REEP1: variants seen among roughly 807,000 people sequenced by gnomAD.
REEP1 encodes receptor expression-enhancing protein 1.
Under a neutral mutation model 40.3 loss-of-function variants are expected in REEP1, and 22 were observed. That is an observed-to-expected ratio of 0.55 (90% CI 0.39 to 0.78). The LOEUF (loss-of-function observed/expected upper bound fraction) is 0.78. REEP1 is among the 30% of genes least tolerant of loss of function. The probability of loss-of-function intolerance (pLI) is 0.00; values close to 1 mark genes in which losing one functional copy is unlikely to be tolerated. For synonymous variants in REEP1, 116 were observed against 139.2 expected, an observed-to-expected ratio of 0.83 and a Z score of 1.17; for missense variants, 280 against 361.1, an observed-to-expected ratio of 0.78 and a Z score of 1.82.
intron 1 of REEP1, among the ~76,000 whole-genome samples, chr2:86,301,960 C>A (rs563648134): frequency 6.6e-6 from 1 of 152,232 alleles, no homozygotes; most frequent in Non-Finnish European, 1.5e-5. Context: ...TGACCTCCCC[C>A]CACCATGACA....
chr2:86,263,266 G>A (rs955859638), intron 3 of REEP1, among the ~76,000 whole-genome samples: 1 of 152,152 alleles, frequency 6.6e-6, no homozygotes, highest in African/African-American at 2.4e-5. Flanking sequence ...GTCTTGCTCT[G>A]TCACCCAGGC....
chr2:86,219,866 G>A, intron 8 of REEP1, 104 bp downstream of exon 8: 1 of 846,932 alleles, frequency 1.2e-6, no homozygotes, highest in Non-Finnish European at 1.6e-6. Flanking sequence ...CAGGTATTGA[G>A]GAGATGTTGG....
chr2:86,284,249 T>C (rs989406969), intron 1 of REEP1, among the ~76,000 whole-genome samples: 2 of 152,160 alleles, frequency 1.3e-5, no homozygotes, highest in African/African-American at 4.8e-5. Flanking sequence ...CCCCTGACGA[T>C]TGGGCTCCTC....
chr2:86,311,382 A>C (rs571486729), intron 1 of REEP1, among the ~76,000 whole-genome samples: 1 of 152,298 alleles, frequency 6.6e-6, no homozygotes, highest in East Asian at 1.9e-4. Context: ...AAAGTACCAT[A>C]AATTTCCTAG....
At position 86,217,050 on chromosome 2, in the gene REEP1, CG is replaced by C. The variant is rs1674149303; in HGVS notation, c.843del (p.Glu282LysfsTer5). The C allele has an allele frequency of 6.2e-7, 1 of 1,613,772 alleles. No homozygotes were observed. The highest frequency in any genetic ancestry group is 1.3e-5 in the African/African-American group (1 of 74,884). The part of the protein sequence containing the change: ...FRKKSTSSSA[T>X]ETT ...TTGGCTCATCTCACTCACGTGGTTT[CG>C]GTGGCCGAGGATGAGGTACTTTTCT... is the stretch of plus-strand genomic sequence containing the variant. On this transcript the variant is annotated frameshift_variant, in exon 9 of 9. Transcript: ENST00000538924. LOFTEE classifies it high-confidence loss of function.
At chr2:86,249,619 A>G (rs183793815) in intron 5 of REEP1, among the ~76,000 whole-genome samples, 1 of 143,234 alleles carries the variant, frequency 7.0e-6, no homozygotes, top group South Asian at 2.1e-4. Flanking sequence ...AGAATCTATT[A>G]AAAAAAAAAT....
At chr2:86,271,211 TAAAC>T (rs1430452122) in intron 2 of REEP1, among the ~76,000 whole-genome samples, 1 of 142,264 alleles carries the variant, frequency 7.0e-6, no homozygotes, top group Non-Finnish European at 1.5e-5. Flanking sequence ...AATAAACAAA[TAAAC>T]AAACCAACAA....
intron 3 of REEP1, among the ~76,000 whole-genome samples, chr2:86,255,593 C>T (rs1303159835): frequency 6.6e-6 from 1 of 152,156 alleles, no homozygotes; most frequent in Non-Finnish European, 1.5e-5. Context: ...TACAGGGAGG[C>T]AACGGTGAGC....
intron 1 of REEP1, among the ~76,000 whole-genome samples, chr2:86,304,681 A>G (rs1413412703): frequency 6.6e-6 from 1 of 152,202 alleles, no homozygotes; most frequent in Non-Finnish European, 1.5e-5. Flanking sequence ...TGTTTGGCAT[A>G]GCTATGCTGC....
Position 86,269,598 on chromosome 2 carries a change from G to C in REEP1, c.106-5557C>G, listed in dbSNP as rs1677327461. ...CTACCAGCAAACCATCTACATACTG[G>C]ATTATAAGCCAAAAATAAAATTCTA... On this transcript the variant is annotated intron_variant, in intron 2 of 8. Transcript: ENST00000538924. 4.6e-5 allele frequency among the ~76,000 whole-genome samples: 7 copies of C among 152,198 alleles called. No individual in the cohort carries two copies. In the South Asian group the frequency reaches 1.5e-3, roughly 32 times the overall value.
intron 1 of REEP1, among the ~76,000 whole-genome samples, chr2:86,290,054 C>T (rs773961684): frequency 2.0e-5 from 3 of 151,996 alleles, no homozygotes; most frequent in Admixed American, 1.3e-4. Flanking sequence ...TGGAGTGCAG[C>T]GGCACAATCT....
At chr2:86,310,125 G>A (rs1271650951) in intron 1 of REEP1, among the ~76,000 whole-genome samples, 1 of 152,200 alleles carries the variant, frequency 6.6e-6, no homozygotes, top group African/African-American at 2.4e-5. Flanking sequence ...CACTGGATAA[G>A]GGTCATGTCT....
intron 5 of REEP1, among the ~76,000 whole-genome samples, chr2:86,245,485 G>T (rs1031979314): frequency 6.6e-6 from 1 of 152,186 alleles, no homozygotes; most frequent in Admixed American, 6.5e-5. Flanking sequence ...GAGCACAAAG[G>T]AGATTCATTT....
Position 86,337,512 on chromosome 2 carries a change from G to A in REEP1, c.-2C>T, listed in dbSNP as rs930203486. On this transcript the variant is annotated 5_prime_UTR_variant, in exon 1 of 9. Transcript: ENST00000538924. This position sits in a 1 kb window ranked among gnomAD's most constrained non-coding sequence, Gnocchi z 5.8. ...CCTGGAGATGATCCATGACACCATG[G>A]CGGGCAGGCGGGCGGGCGAGGCCCG... 2.4e-5 allele frequency: 31 copies of A among 1,283,546 alleles called. No homozygotes were observed. The African/African-American group carries it at 4.7e-4, about 19-fold the overall frequency. The allele number at this position is 1,283,546 out of a possible 1,614,324, so 79.5% of individuals were successfully genotyped here.
chr2:86,319,358 A>C (rs1414065607), intron 1 of REEP1, among the ~76,000 whole-genome samples: 1 of 152,208 alleles, frequency 6.6e-6, no homozygotes, highest in African/African-American at 2.4e-5. Context: ...GTATGCATTA[A>C]ATTGTTGCTC....
At chr2:86,291,058 T>C (rs1678667967) in intron 1 of REEP1, among the ~76,000 whole-genome samples, 1 of 152,180 alleles carries the variant, frequency 6.6e-6, no homozygotes, top group African/African-American at 2.4e-5. Flanking sequence ...CTCATAATAA[T>C]GAGAAAACAG....
upstream of REEP1, chr2:86,337,954 T>C: frequency 1.4e-5 from 20 of 1,401,450 alleles, no homozygotes; most frequent in Non-Finnish European, 1.9e-5. The surrounding 1 kb of genome is among the most constrained non-coding windows in gnomAD (Gnocchi z 5.8). Flanking sequence ...CGGGAATCTG[T>C]CTGCACCTGT....
At chr2:86,245,919 C>T (rs1321531421) in intron 5 of REEP1, among the ~76,000 whole-genome samples, 3 of 152,072 alleles carry the variant, frequency 2.0e-5, no homozygotes, top group African/African-American at 7.2e-5. Context: ...CGCCCGCCAC[C>T]ACGCCCGGCT....
rs115317938 is a variant in REEP1, at chr2:86,234,568, A to G, written c.418-1766T>C. On this transcript the variant is annotated intron_variant, in intron 5 of 8. Transcript: ENST00000538924. ...TGCCAGACTAAAAGCAAGATGCACT[A>G]AAATATGAACTAGATCTGTTCCCAA... Among the ~76,000 whole-genome samples, 490 of 152,308 alleles carry G rather than the reference A, an allele frequency of 3.2e-3. 4 individuals carry two copies. Among genetic ancestry groups the G allele is most frequent in the African/African-American group, 0.011 (467 of 41,566 alleles).
Sources: gnomAD v4.1 joint callset for allele counts (sites outside exome capture counted in the v4.1 genomes callset) on GRCh38, gnomAD v4.1.1 for gene constraint, Gnocchi (gnomAD v3.1) non-coding constraint, MANE v1.5 for transcripts, NCBI Gene and HGNC (gene_info 2026-07-23, HGNC 2026-07-21) for gene names.